BCL11A: variants seen among roughly 807,000 people sequenced by gnomAD.
BCL11A encodes B cell CLL/lymphoma 11A.
A neutral mutation model predicts 55.9 loss-of-function variants in BCL11A; 2 were observed. The observed-to-expected ratio is 0.04, with a 90% CI of 0.01 to 0.11. BCL11A has a LOEUF of 0.11. Ranked by LOEUF, BCL11A falls within the 10% of genes least tolerant of loss-of-function variation. The pLI, the probability that BCL11A is intolerant of heterozygous loss-of-function variation, is 1.00. For missense variants in BCL11A, 817 were observed against 1,137.1 expected (o/e 0.72, Z 4.05); for synonymous variants, 465 against 473.4 (o/e 0.98, Z 0.23).
chr2:60,499,383 A>G (rs1679148261), intron 2 of BCL11A, among the ~76,000 whole-genome samples: 1 of 152,184 alleles, frequency 6.6e-6, no homozygotes, highest in Non-Finnish European at 1.5e-5. Context: ...CTCCTGGGAA[A>G]GGTTGCACAT....
In BCL11A at chr2:60,510,939, C is replaced by G. The variant is rs1025611245; in HGVS notation, c.385+35032G>C. Among the ~76,000 whole-genome samples, 6 of 152,330 alleles carry G rather than the reference C, an allele frequency of 3.9e-5. 1 individual carries two copies. The highest frequency in any genetic ancestry group is 1.3e-4 in the Admixed American group (2 of 15,294). ...AACCCTTGACAGGAGCCAGTTAAAA[C>G]CAAACGAAAGTCTTTCCTAAGGCTT... On this transcript the variant is annotated intron_variant, in intron 2 of 3. Coordinates refer to ENST00000642384, the MANE Select transcript of BCL11A (RefSeq NM_022893.4).
chr2:60,500,654 G>A (rs940286372), intron 2 of BCL11A, among the ~76,000 whole-genome samples: 1 of 152,188 alleles, frequency 6.6e-6, no homozygotes, highest in Non-Finnish European at 1.5e-5. Flanking sequence ...CCCTCCACCA[G>A]TTAAGGTATA....
intron 3 of BCL11A, among the ~76,000 whole-genome samples, chr2:60,464,040 C>T (rs1676464317): frequency 6.6e-6 from 1 of 152,140 alleles, no homozygotes; most frequent in East Asian, 1.9e-4. Context: ...TCAGGAGCCC[C>T]CAAACACTGG....
At chr2:60,454,522 G>A (rs1675860065), downstream of BCL11A, among the ~76,000 whole-genome samples, 1 of 152,098 alleles carries the variant, frequency 6.6e-6, no homozygotes, top group South Asian at 2.1e-4. Context: ...AGGGACAATG[G>A]AGTAACAGAA....
intron 2 of BCL11A, among the ~76,000 whole-genome samples, chr2:60,497,215 G>A (rs1242145417): frequency 6.6e-6 from 1 of 152,196 alleles, no homozygotes; most frequent in Non-Finnish European, 1.5e-5. Context: ...CTAATGACCT[G>A]TAAACACTTA....
chr2:60,458,033 C>CTT lies in BCL11A; in HGVS notation c.*2369_*2370dup, dbSNP rs1223695317. On this transcript the variant is annotated 3_prime_UTR_variant, in exon 4 of 4. Transcript: ENST00000642384. ...AAAAAAATATACTGTGGCAGCCTGT[C>CTT]TTTTTTTTTTCCACTACCAAAAAAG... 3 of 967,412 alleles carry CTT rather than the reference C, an allele frequency of 3.1e-6. No individual in the cohort carries two copies. Among genetic ancestry groups the CTT allele is most frequent in the Non-Finnish European group, 2.5e-6 (2 of 805,606 alleles). 59.9% of individuals were successfully genotyped at this position (967,412 alleles called of 1,614,324 possible). A position where few individuals can be genotyped will look rare whatever the true frequency, so the allele number is the denominator to read the frequency against.
intron 3 of BCL11A, among the ~76,000 whole-genome samples, chr2:60,467,917 GGTGGTGGTGGTA>G (rs1199115164): frequency 3.0e-5 from 4 of 134,232 alleles, no homozygotes; most frequent in Admixed American, 7.0e-5. Flanking sequence ...TGGTGGTGGT[GGTGGTGGTGGTA>G]GTGATGGTGG....
chr2:60,473,772 T>C (rs1267587892), intron 2 of BCL11A, among the ~76,000 whole-genome samples: 1 of 152,246 alleles, frequency 6.6e-6, no homozygotes, highest in Non-Finnish European at 1.5e-5. Context: ...TGTCAATCTG[T>C]AATGAAAATG....
At chr2:60,508,459 T>C (rs1273051698) in intron 2 of BCL11A, 1 of 152,252 alleles carries the variant, frequency 6.6e-6, no homozygotes, top group African/African-American at 2.4e-5. Context: ...CAAATATCCC[T>C]AGCACATTAC....
downstream of BCL11A, chr2:60,452,796 C>A: frequency 3.0e-6 from 2 of 668,750 alleles, no homozygotes; most frequent in South Asian, 1.9e-5. Context: ...GAGCCACTGG[C>A]ATCTTAAGCA....
intron 2 of BCL11A, among the ~76,000 whole-genome samples, chr2:60,503,470 T>C (rs1423338341): frequency 1.3e-5 from 2 of 152,188 alleles, no homozygotes. Context: ...CTCTGGACCC[T>C]CTCCTCCACC....
chr2:60,451,165 T>A (rs1161811048), exon 5 of BCL11A: 1 of 193,294 alleles, frequency 5.2e-6, no homozygotes, highest in Non-Finnish European at 1.1e-5. Flanking sequence ...AGTTCACTAC[T>A]GTAGACAGTC....
At position 60,462,169 on chromosome 2, in the gene BCL11A, G is replaced by T. The variant is rs267599415; in HGVS notation, c.743C>A (p.Ser248Ter). The stretch of plus-strand genomic sequence containing the variant: ...TTCTGCCAGGCCGGAAGCCTCTCTC[G>T]ATACTGATCCTGGTATTCTTAGCAG... Reference protein sequence around the residue: ...FNLLRIPGSVSREASGLAEGR... With the variant: ...FNLLRIPGSV The change falls in exon 4 of 4, where the codon TCG (serine) becomes TAG (stop). Residue 248 changes from serine to a stop codon, truncating the protein, a stop_gained. Coordinates refer to ENST00000642384, the MANE Select transcript of BCL11A (RefSeq NM_022893.4). LOFTEE classifies it high-confidence loss of function. The T allele has an allele frequency of 6.3e-7, 1 of 1,582,168 alleles. No individual in the cohort carries two copies. Among genetic ancestry groups the T allele is most frequent in the African/African-American group, 1.4e-5 (1 of 74,060 alleles).
chr2:60,529,838 G>A (rs1407139864), intron 2 of BCL11A, among the ~76,000 whole-genome samples: 1 of 152,168 alleles, frequency 6.6e-6, no homozygotes, highest in Non-Finnish European at 1.5e-5. Context: ...ATTTCAGACA[G>A]GTCCCCAAAC....
intron 1 of BCL11A, chr2:60,550,778 G>C: frequency 2.5e-6 from 1 of 398,914 alleles, no homozygotes; most frequent in Non-Finnish European, 4.4e-6. Context: ...GCGCGCCCCG[G>C]TCTGTCCTTT....
Position 60,468,737 on chromosome 2 carries a change from C to T in BCL11A, c.482G>A (p.Gly161Asp). 1 of 1,610,384 alleles carries T rather than the reference C, an allele frequency of 6.2e-7. No homozygotes were observed. ...PGMSAEYAPQ[G>D]ICKDEPSSYT... Reference sequence around the variant, plus strand: ...AGAAATAAGGCTCAACTTACAAATACCCTGCGGGGCATATTCTGCACTCAT... The same window carrying T: ...AGAAATAAGGCTCAACTTACAAATATCCTGCGGGGCATATTCTGCACTCAT... The change falls in exon 3 of 4, where the codon GGT becomes GAT. Residue 161 changes from glycine (G) to aspartate (D), a missense_variant. By Grantham distance (94) the Gly-to-Asp change is moderately conservative. Coordinates refer to ENST00000642384, the MANE Select transcript of BCL11A (RefSeq NM_022893.4).
chr2:60,456,728 C>T (rs1261232469), downstream of BCL11A, among the ~76,000 whole-genome samples: 2 of 152,090 alleles, frequency 1.3e-5, no homozygotes, highest in East Asian at 1.9e-4. Context: ...AGAAAAGACT[C>T]TTACATGGAA....
intron 2 of BCL11A, among the ~76,000 whole-genome samples, chr2:60,523,908 G>T (rs1432505446): frequency 6.6e-6 from 1 of 152,166 alleles, no homozygotes. Context: ...AGCCAAATAG[G>T]AGCTTTAAGC....
intron 2 of BCL11A, chr2:60,528,463 C>T (rs1421340483): frequency 6.6e-6 from 1 of 152,248 alleles, no homozygotes; most frequent in African/African-American, 2.4e-5. Flanking sequence ...CAACTTTTCC[C>T]AACAGCTCCG....
Sources: allele counts gnomAD v4.1 joint callset (sites outside exome capture counted in the v4.1 genomes callset), GRCh38; gene constraint gnomAD v4.1.1; transcripts MANE v1.5; gene names NCBI Gene and HGNC (gene_info 2026-07-23, HGNC 2026-07-21).